Variants in GSE1 observed in about 807,000 individuals in gnomAD.
GSE1 encodes Gse1 coiled-coil protein, also known as genetic suppressor element 1.
A neutral mutation model predicts 112.6 loss-of-function variants in GSE1; 32 were observed. That is an observed-to-expected ratio of 0.28 (90% CI 0.21 to 0.38). GSE1 has a LOEUF of 0.38. GSE1 is among the 10% of genes least tolerant of loss of function. The probability of loss-of-function intolerance (pLI) is 1.00; values close to 1 mark genes in which losing one functional copy is unlikely to be tolerated. For missense variants in GSE1, 2,348 were observed against 1,699.2 expected (o/e 1.38, Z -6.71); for synonymous variants, 1,115 against 735.6 (o/e 1.52, Z -8.35).
At chr16:85,197,010 T>A (rs2074940106) in intron 1 of GSE1, among the ~76,000 whole-genome samples, 1 of 152,160 alleles carries the variant, frequency 6.6e-6, no homozygotes, top group Non-Finnish European at 1.5e-5. Flanking sequence ...GCTTATTTGG[T>A]GATCTCAGGC....
At chr16:85,267,250 G>A (rs140566044) in intron 1 of GSE1, among the ~76,000 whole-genome samples, 1 of 152,198 alleles carries the variant, frequency 6.6e-6, no homozygotes, top group African/African-American at 2.4e-5. Context: ...GGGTGCCCAG[G>A]AAGTGGGGGT....
intron 2 of GSE1, among the ~76,000 whole-genome samples, chr16:85,460,891 G>C (rs4782705): frequency 0.54 from 81,414 of 151,998 alleles, 23,433 homozygotes; most frequent in Non-Finnish European, 0.63. Context: ...TGCAAATCAG[G>C]ACGTGAAGTC....
At chr16:85,555,279 C>A (rs1375840016), upstream of GSE1, 5 of 985,094 alleles carry the variant, frequency 5.1e-6, no homozygotes, top group Non-Finnish European at 6.0e-6. Flanking sequence ...TCCCCGCTCT[C>A]CTCCTGCCTC....
At chr16:85,499,648 A>T (rs2051298927) in intron 2 of GSE1, among the ~76,000 whole-genome samples, 1 of 152,188 alleles carries the variant, frequency 6.6e-6, no homozygotes. Context: ...AATGTACTTA[A>T]TATCCCAGAA....
chr16:85,420,166 T>C (rs1478517685), intron 2 of GSE1, among the ~76,000 whole-genome samples: 1 of 152,106 alleles, frequency 6.6e-6, no homozygotes, highest in Non-Finnish European at 1.5e-5. Context: ...GTAGGAGGAC[T>C]GCTTGAAGCC....
At position 85,666,374 on chromosome 16, in the gene GSE1, G is replaced by T. The variant is rs2052860578; in HGVS notation, c.3130+27G>T. 4 of 1,612,210 alleles carry T rather than the reference G, an allele frequency of 2.5e-6. No homozygotes were observed. In the African/African-American group the frequency reaches 5.3e-5, roughly 22 times the overall value. On this transcript the variant is annotated intron_variant, in intron 13 of 15. Transcript: ENST00000253458. ...TAATGAGGCTGCCAGTCCCTGCTCA[G>T]CTCTCGGCTGTGGTTGAGGCTGACC...
chr16:85,245,615 A>G (rs1225131947), intron 1 of GSE1, among the ~76,000 whole-genome samples: 1 of 152,186 alleles, frequency 6.6e-6, no homozygotes, highest in East Asian at 1.9e-4. Flanking sequence ...CTTGTTGAAA[A>G]GCGGTTACAT....
At chr16:85,554,805 G>A, upstream of GSE1, 1 of 859,854 alleles carries the variant, frequency 1.2e-6, no homozygotes, top group South Asian at 5.3e-5. Flanking sequence ...ACGGACGGGC[G>A]GGCGGGCGGG....
chr16:85,345,178 A>C (rs2046708831), intron 1 of GSE1, among the ~76,000 whole-genome samples: 1 of 152,024 alleles, frequency 6.6e-6, no homozygotes, highest in Non-Finnish European at 1.5e-5. Flanking sequence ...CCATGAGCTA[A>C]GAAAGGCTTT....
chr16:85,657,698 C>T (rs1356624364), intron 8 of GSE1, 94 bp downstream of exon 8: 2 of 782,082 alleles, frequency 2.6e-6, no homozygotes, highest in Non-Finnish European at 3.8e-6. Flanking sequence ...AACATCCTGC[C>T]CCAGCGTTTC....
chr16:85,508,817 G>A (rs983394366), intron 2 of GSE1, among the ~76,000 whole-genome samples: 1 of 152,238 alleles, frequency 6.6e-6, no homozygotes, highest in Non-Finnish European at 1.5e-5. Flanking sequence ...TTCACATCCA[G>A]GAGAAAGGTT....
At chr16:85,636,252 C>G (rs1044987972) in intron 2 of GSE1, among the ~76,000 whole-genome samples, 3 of 152,198 alleles carry the variant, frequency 2.0e-5, no homozygotes, top group Non-Finnish European at 4.4e-5. Context: ...GTGCCACTGC[C>G]TGAGCCATGT....
chr16:85,474,149 T>C (rs1397941288), intron 2 of GSE1, among the ~76,000 whole-genome samples: 1 of 152,046 alleles, frequency 6.6e-6, no homozygotes, highest in Non-Finnish European at 1.5e-5. Context: ...GTGAGCTGGC[T>C]CCTGCACCAG....
intron 8 of GSE1, among the ~76,000 whole-genome samples, chr16:85,658,542 C>T (rs2052165419): frequency 6.6e-6 from 1 of 152,234 alleles, no homozygotes; most frequent in Non-Finnish European, 1.5e-5. Context: ...TTCTGCCTGC[C>T]TCCGTTATCC....
chr16:85,646,655 G>A (rs772204161), intron 2 of GSE1, among the ~76,000 whole-genome samples: 7 of 152,170 alleles, frequency 4.6e-5, no homozygotes, highest in Non-Finnish European at 1.0e-4. Flanking sequence ...ACACTGAGCT[G>A]TGTACAAGTC....
chr16:85,638,032 CCCT>C (rs2050145170), intron 2 of GSE1, among the ~76,000 whole-genome samples: 1 of 152,182 alleles, frequency 6.6e-6, no homozygotes, highest in Non-Finnish European at 1.5e-5. Context: ...CCCACGCGGC[CCCT>C]CCTCTGGGTG....
At chr16:85,490,661 T>C (rs2050981605) in intron 2 of GSE1, 1 of 152,216 alleles carries the variant, frequency 6.6e-6, no homozygotes, top group Non-Finnish European at 1.5e-5. Flanking sequence ...CTGCCCCGAC[T>C]TTGATCCCAG....
At chr16:85,241,283 G>T (rs1351718117) in intron 1 of GSE1, among the ~76,000 whole-genome samples, 1 of 152,244 alleles carries the variant, frequency 6.6e-6, no homozygotes, top group South Asian at 2.1e-4. Flanking sequence ...AGAGGGCTGT[G>T]GTGAGGAGTC....
upstream of GSE1, among the ~76,000 whole-genome samples, chr16:85,551,676 G>C (rs1344397145): frequency 6.6e-6 from 1 of 152,198 alleles, no homozygotes; most frequent in Non-Finnish European, 1.5e-5. Flanking sequence ...CCCTTACAAA[G>C]GTCCCTGTCA....
Sources: gnomAD v4.1 joint callset for allele counts (sites outside exome capture counted in the v4.1 genomes callset) on GRCh38, gnomAD v4.1.1 for gene constraint, MANE v1.5 for transcripts, NCBI Gene and HGNC (gene_info 2026-07-23, HGNC 2026-07-21) for gene names.